Variants in ACTR3B observed in about 807,000 individuals in gnomAD.
The protein encoded by ACTR3B is actin-related protein 3B.
Under a neutral mutation model 59.0 loss-of-function variants are expected in ACTR3B, and 8 were observed. That is an observed-to-expected ratio of 0.14 (90% CI 0.08 to 0.24). The LOEUF (loss-of-function observed/expected upper bound fraction) is 0.24. Among genes scored for constraint, ACTR3B ranks in the 10% least tolerant of loss-of-function variants. ACTR3B has a pLI of 1.00. For missense variants in ACTR3B, 245 were observed against 552.3 expected, an observed-to-expected ratio of 0.44 and a Z score of 5.58; for synonymous variants, 148 against 197.9, an observed-to-expected ratio of 0.75 and a Z score of 2.12.
chr7:152,825,386 A>G lies in ACTR3B; in HGVS notation c.951+264A>G, dbSNP rs1280152530. Among the ~76,000 whole-genome samples, 6 of 152,162 alleles carry G rather than the reference A, an allele frequency of 3.9e-5. No individual in the cohort carries two copies. In the East Asian group the frequency reaches 9.6e-4, roughly 24 times the overall value. On this transcript the variant is annotated intron_variant, in intron 9 of 11. Transcript: ENST00000256001. ...GAGTGCAGTGGTGCGATCTCAGCTC[A>G]CTATAACCTCCACCTCCTGGGTTCA...
chr7:152,829,829 G>A (rs1490252532), intron 9 of ACTR3B, among the ~76,000 whole-genome samples: 1 of 152,164 alleles, frequency 6.6e-6, no homozygotes, highest in African/African-American at 2.4e-5. Flanking sequence ...TTTACTTGAG[G>A]GGGAAGCCAG....
At chr7:152,806,219 T>TAAC (rs2098251675) in intron 4 of ACTR3B, among the ~76,000 whole-genome samples, 1 of 152,198 alleles carries the variant, frequency 6.6e-6, no homozygotes, top group Non-Finnish European at 1.5e-5. Flanking sequence ...GGAATAATTA[T>TAAC]AACATCAATA....
At chr7:152,763,379 ATTC>A (rs895051102) in intron 1 of ACTR3B, among the ~76,000 whole-genome samples, 2 of 147,346 alleles carry the variant, frequency 1.4e-5, no homozygotes, top group Non-Finnish European at 3.0e-5. Flanking sequence ...TAAGTACTCT[ATTC>A]TTAAACTTTC....
intron 6 of ACTR3B, among the ~76,000 whole-genome samples, chr7:152,819,081 T>C (rs1331150333): frequency 6.6e-6 from 1 of 152,258 alleles, no homozygotes; most frequent in Non-Finnish European, 1.5e-5. Flanking sequence ...ATAGTTTATG[T>C]ATTAGAAAGC....
intron 1 of ACTR3B, among the ~76,000 whole-genome samples, chr7:152,763,116 G>A (rs113987749): frequency 6.6e-6 from 1 of 151,972 alleles, no homozygotes; most frequent in Admixed American, 6.6e-5. Flanking sequence ...AGGAGTTCGA[G>A]ACCAACCTGG....
chr7:152,851,019 T>TA (rs1302635452), intron 9 of ACTR3B, among the ~76,000 whole-genome samples: 3 of 152,242 alleles, frequency 2.0e-5, no homozygotes, highest in East Asian at 3.8e-4. Context: ...AATCAGGAGA[T>TA]ACACTAGTCC....
intron 2 of ACTR3B, among the ~76,000 whole-genome samples, chr7:152,788,286 A>G (rs1234005762): frequency 6.6e-6 from 1 of 152,076 alleles, no homozygotes; most frequent in Non-Finnish European, 1.5e-5. Flanking sequence ...AATTGGGGAA[A>G]AATTTGACGT....
intron 4 of ACTR3B, among the ~76,000 whole-genome samples, chr7:152,802,654 C>T (rs2098240255): frequency 6.6e-6 from 1 of 150,696 alleles, no homozygotes; most frequent in South Asian, 2.1e-4. Flanking sequence ...GTACAGAATG[C>T]TTGCTTTATA....
chr7:152,778,977 A>G (rs2098143250), intron 1 of ACTR3B, among the ~76,000 whole-genome samples: 1 of 133,662 alleles, frequency 7.5e-6, no homozygotes, highest in African/African-American at 2.8e-5. Context: ...AAAAAAAAAA[A>G]AAAAAAAAGG....
chr7:152,850,405 G>A (rs1272503209), intron 9 of ACTR3B, among the ~76,000 whole-genome samples: 2 of 151,940 alleles, frequency 1.3e-5, no homozygotes, highest in Admixed American at 1.3e-4. Flanking sequence ...TCAGATCACT[G>A]GTGGCTTCTC....
chr7:152,807,331 T>A (rs1195981662), intron 4 of ACTR3B, among the ~76,000 whole-genome samples: 1 of 152,032 alleles, frequency 6.6e-6, no homozygotes, highest in East Asian at 1.9e-4. Context: ...TTAAAATGAT[T>A]TTACACCCAA....
At chr7:152,843,630 A>G (rs1454748365) in intron 9 of ACTR3B, among the ~76,000 whole-genome samples, 3 of 152,262 alleles carry the variant, frequency 2.0e-5, no homozygotes, top group African/African-American at 7.2e-5. Flanking sequence ...CTACTGAATA[A>G]TTTTTTAGTT....
chr7:152,760,104 C>A lies in ACTR3B; in HGVS notation c.44+178C>A, dbSNP rs1282840554. 2.0e-5 allele frequency among the ~76,000 whole-genome samples: 3 copies of A among 152,296 alleles called. No homozygotes were observed. The East Asian group carries it at 5.8e-4, about 29-fold the overall frequency. The stretch of plus-strand genomic sequence containing the variant: ...CAAGCCTTGCCTTGACGTCGTAAAA[C>A]CCCCTCTTCCCTGCCGGGAAGGGCC... On this transcript the variant is annotated intron_variant, in intron 1 of 11. Coordinates refer to ENST00000256001, the MANE Select transcript of ACTR3B (RefSeq NM_020445.6).
intron 9 of ACTR3B, among the ~76,000 whole-genome samples, chr7:152,830,541 T>C (rs1796942351): frequency 6.6e-6 from 1 of 152,160 alleles, no homozygotes; most frequent in South Asian, 2.1e-4. Flanking sequence ...GTTATAGATA[T>C]AAAATAAATA....
At chr7:152,792,283 A>G (rs543729036) in intron 2 of ACTR3B, among the ~76,000 whole-genome samples, 61 of 152,338 alleles carry the variant, frequency 4.0e-4, no homozygotes, top group Non-Finnish European at 7.3e-4. Flanking sequence ...ACTGCCAGAC[A>G]TAATTTAGAA....
chr7:152,781,496 G>A (rs1206250792), intron 1 of ACTR3B, among the ~76,000 whole-genome samples: 2 of 152,236 alleles, frequency 1.3e-5, no homozygotes, highest in East Asian at 1.9e-4. Flanking sequence ...TCTGGGCAGC[G>A]TGTGGAACTC....
intron 10 of ACTR3B, among the ~76,000 whole-genome samples, chr7:152,852,823 T>G (rs1798925510): frequency 1.3e-5 from 2 of 152,004 alleles, no homozygotes; most frequent in East Asian, 1.9e-4. Context: ...ACAGAGTCTC[T>G]CTCTGTCGCC....
intron 9 of ACTR3B, among the ~76,000 whole-genome samples, chr7:152,834,928 G>T (rs1350986829): frequency 6.6e-6 from 1 of 152,206 alleles, no homozygotes; most frequent in African/African-American, 2.4e-5. Flanking sequence ...GGGAGGGAAT[G>T]ACTGTGGGCT....
intron 9 of ACTR3B, among the ~76,000 whole-genome samples, chr7:152,844,016 A>G (rs1332336480): frequency 6.6e-6 from 1 of 152,258 alleles, no homozygotes; most frequent in Non-Finnish European, 1.5e-5. Context: ...AAATCTGAAT[A>G]AAGAGTGTAT....
Sources: gnomAD v4.1 joint callset for allele counts (sites outside exome capture counted in the v4.1 genomes callset) on GRCh38, gnomAD v4.1.1 for gene constraint, MANE v1.5 for transcripts, NCBI Gene and HGNC (gene_info 2026-07-23, HGNC 2026-07-21) for gene names.